SMIM35: variants seen among roughly 807,000 people sequenced by gnomAD.
SMIM35 encodes TMPRSS4 antisense RNA 1 (non-protein coding).
At chr11:118,042,481 A>G (rs1436274042) in intron 1 of SMIM35, among the ~76,000 whole-genome samples, 2 of 152,204 alleles carry the variant, frequency 1.3e-5, no homozygotes, top group African/African-American at 4.8e-5. Context: ...TAATACCCAC[A>G]AGAAAAACCC....
chr11:118,078,856 C>T (rs1421837443), intron 1 of SMIM35, among the ~76,000 whole-genome samples: 1 of 152,198 alleles, frequency 6.6e-6, no homozygotes, highest in Non-Finnish European at 1.5e-5. Flanking sequence ...ATATGACCCA[C>T]AACAGCCCCA....
chr11:118,068,455 GT>G (rs567649619), intron 1 of SMIM35, among the ~76,000 whole-genome samples: 3 of 152,158 alleles, frequency 2.0e-5, no homozygotes, highest in Non-Finnish European at 4.4e-5. Context: ...ATTCATCTTT[GT>G]GTCCTCAGTG....
chr11:118,058,377 T>C (rs569920770), intron 1 of SMIM35, among the ~76,000 whole-genome samples: 104 of 151,504 alleles, frequency 6.9e-4, no homozygotes, highest in African/African-American at 2.4e-3. Context: ...GGGCCAGGAG[T>C]GTGGGGAAGG....
intron 1 of SMIM35, among the ~76,000 whole-genome samples, chr11:118,065,290 C>G (rs898592046): frequency 1.3e-5 from 2 of 152,200 alleles, no homozygotes; most frequent in Non-Finnish European, 2.9e-5. Context: ...GAAGAGGTAG[C>G]CTTGTCACGT....
At chr11:118,022,389 A>C (rs1460334499) in intron 1 of SMIM35, among the ~76,000 whole-genome samples, 2 of 152,234 alleles carry the variant, frequency 1.3e-5, no homozygotes, top group Admixed American at 6.5e-5. Flanking sequence ...TAAATTTTTA[A>C]AAGTTAAAAT....
chr11:118,044,103 A>T (rs1163481061), intron 1 of SMIM35, among the ~76,000 whole-genome samples: 1 of 152,142 alleles, frequency 6.6e-6, no homozygotes, highest in Non-Finnish European at 1.5e-5. Context: ...GGAGAGAAGG[A>T]GTTCCTAAAT....
intron 1 of SMIM35, among the ~76,000 whole-genome samples, chr11:118,019,675 C>T (rs116266669): frequency 0.013 from 2,015 of 151,972 alleles, 37 homozygotes; most frequent in African/African-American, 0.045. Context: ...ATCTCTCCTC[C>T]GAGACATACT....
chr11:118,040,088 C>T (rs140694656), intron 1 of SMIM35, among the ~76,000 whole-genome samples: 23 of 149,236 alleles, frequency 1.5e-4, no homozygotes, highest in African/African-American at 5.7e-4. Context: ...TGATGGTGCA[C>T]ACCTGTAATC....
chr11:118,017,357 A>T (rs1284942379), intron 1 of SMIM35, among the ~76,000 whole-genome samples: 2 of 152,210 alleles, frequency 1.3e-5, no homozygotes, highest in Non-Finnish European at 2.9e-5. Context: ...TTGCATATGG[A>T]TGCCTTGCCA....
At chr11:118,050,496 A>G (rs901857187) in intron 1 of SMIM35, among the ~76,000 whole-genome samples, 9 of 152,226 alleles carry the variant, frequency 5.9e-5, no homozygotes, top group Non-Finnish European at 1.0e-4. Flanking sequence ...TGGAGACCCA[A>G]GGCAGCTTTG....
intron 1 of SMIM35, among the ~76,000 whole-genome samples, chr11:118,064,664 G>C (rs1944442203): frequency 6.6e-6 from 1 of 151,426 alleles, no homozygotes; most frequent in Non-Finnish European, 1.5e-5. Context: ...TTATTATTGA[G>C]ACAGGTTCTC....
At chr11:118,044,816 A>C (rs1317168002) in intron 1 of SMIM35, among the ~76,000 whole-genome samples, 1 of 151,478 alleles carries the variant, frequency 6.6e-6, no homozygotes, top group Non-Finnish European at 1.5e-5. Flanking sequence ...AAAAAACAAA[A>C]CAAACAAACA....
chr11:118,027,678 G>A (rs1385361630), intron 1 of SMIM35, among the ~76,000 whole-genome samples: 2 of 152,132 alleles, frequency 1.3e-5, no homozygotes, highest in Non-Finnish European at 2.9e-5. Flanking sequence ...TCCTGAAGAC[G>A]CCCCTCATCC....
chr11:118,045,360 A>ACACACACACACACACACACT (rs57274300), intron 1 of SMIM35, among the ~76,000 whole-genome samples: 2 of 149,844 alleles, frequency 1.3e-5, no homozygotes, highest in Non-Finnish European at 3.0e-5. Context: ...ACACACACAC[A>ACACACACACACACACACACT]CTAGAGAGAG....
At chr11:118,008,842 C>T (rs539725604) in intron 4 of SMIM35, among the ~76,000 whole-genome samples, 1 of 152,240 alleles carries the variant, frequency 6.6e-6, no homozygotes, top group Non-Finnish European at 1.5e-5. Context: ...AAATGCCCAT[C>T]AAATAGGAGA....
intron 1 of SMIM35, chr11:118,025,441 T>C: frequency 2.2e-6 from 1 of 450,480 alleles, no homozygotes; most frequent in Non-Finnish European, 4.5e-6. Context: ...CTCTGCAGCC[T>C]TGCCAACATC....
intron 1 of SMIM35, among the ~76,000 whole-genome samples, chr11:118,068,956 G>A (rs1475582804): frequency 6.6e-6 from 1 of 152,190 alleles, no homozygotes; most frequent in Non-Finnish European, 1.5e-5. Flanking sequence ...TAACCACGAC[G>A]ATCTAAAAGC....
At chr11:118,034,664 A>G (rs1265663371) in intron 1 of SMIM35, among the ~76,000 whole-genome samples, 2 of 152,238 alleles carry the variant, frequency 1.3e-5, no homozygotes, top group Non-Finnish European at 2.9e-5. Flanking sequence ...AGATTGTGCC[A>G]CTGCACTCCA....
intron 1 of SMIM35, among the ~76,000 whole-genome samples, chr11:118,042,928 A>T (rs2135082946): frequency 6.6e-6 from 1 of 152,370 alleles, no homozygotes. Flanking sequence ...ATGCAAAAAA[A>T]GCATTTGACA....
Sources: gnomAD v4.1 joint callset for allele counts (sites outside exome capture counted in the v4.1 genomes callset) on GRCh38, gnomAD v4.1.1 for gene constraint, MANE v1.5 for transcripts, NCBI Gene and HGNC (gene_info 2026-07-23, HGNC 2026-07-21) for gene names.